Variants in PARM1 observed in about 807,000 individuals in gnomAD.
The protein encoded by PARM1 is prostate androgen-regulated mucin-like protein 1, also known as WSC4, cell wall integrity and stress response component 4 homolog.
In PARM1, 14 loss-of-function variants were observed where a neutral mutation model predicts 24.6. That is an observed-to-expected ratio of 0.57 (90% confidence interval 0.38 to 0.89). PARM1 has a LOEUF of 0.89. PARM1 is among the 40% of genes least tolerant of loss of function. PARM1 has a pLI of 0.00. For missense variants in PARM1, 362 were observed against 380.4 expected, an observed-to-expected ratio of 0.95 and a Z score of 0.40; for synonymous variants, 179 against 156.6, an observed-to-expected ratio of 1.14 and a Z score of -1.07.
chr4:74,976,304 T>C (rs1043681755), intron 1 of PARM1, among the ~76,000 whole-genome samples: 1 of 152,188 alleles, frequency 6.6e-6, no homozygotes, highest in African/African-American at 2.4e-5. Flanking sequence ...CTGGGAGGAA[T>C]TCCCACAGTG....
intron 2 of PARM1, among the ~76,000 whole-genome samples, chr4:75,022,556 T>G (rs1441828467): frequency 1.3e-5 from 2 of 152,272 alleles, no homozygotes; most frequent in Non-Finnish European, 2.9e-5. Context: ...TTATTACATT[T>G]GGAAAGTTTT....
intron 1 of PARM1, among the ~76,000 whole-genome samples, chr4:74,970,810 T>A (rs1306950789): frequency 6.6e-6 from 1 of 152,184 alleles, no homozygotes; most frequent in African/African-American, 2.4e-5. Flanking sequence ...TTAGCTCTGT[T>A]TTCCAGAGCA....
intron 3 of PARM1, among the ~76,000 whole-genome samples, chr4:75,037,642 G>A (rs1723398297): frequency 1.3e-5 from 2 of 152,024 alleles, no homozygotes; most frequent in South Asian, 4.1e-4. Context: ...CTGAACCCAG[G>A]GCCCTTCTTG....
intron 2 of PARM1, among the ~76,000 whole-genome samples, chr4:75,030,889 A>C (rs1260661776): frequency 6.6e-6 from 1 of 152,154 alleles, no homozygotes; most frequent in Non-Finnish European, 1.5e-5. Context: ...CATATTGAAA[A>C]ATGTAAGAGG....
chr4:75,043,294 A>G (rs752060344), intron 3 of PARM1, among the ~76,000 whole-genome samples: 7 of 152,220 alleles, frequency 4.6e-5, no homozygotes, highest in Admixed American at 2.0e-4. Context: ...GTGCTTGTAT[A>G]AGATTTATTA....
At chr4:74,987,914 C>A (rs1354662942) in intron 1 of PARM1, among the ~76,000 whole-genome samples, 1 of 152,174 alleles carries the variant, frequency 6.6e-6, no homozygotes, top group African/African-American at 2.4e-5. Flanking sequence ...TGTGTTATTT[C>A]ATTTATTCAG....
chr4:74,970,761 A>T (rs531519825), intron 1 of PARM1, among the ~76,000 whole-genome samples: 1 of 152,178 alleles, frequency 6.6e-6, no homozygotes. Flanking sequence ...TGTTATCATA[A>T]GCTAAACCTA....
At chr4:74,981,830 G>A (rs753059345) in intron 1 of PARM1, among the ~76,000 whole-genome samples, 56 of 146,112 alleles carry the variant, frequency 3.8e-4, no homozygotes, top group Non-Finnish European at 1.6e-4. Flanking sequence ...AGCCGAAATC[G>A]CGCCACTGCA....
chr4:74,976,018 A>C (rs550914481), intron 1 of PARM1, among the ~76,000 whole-genome samples: 2 of 152,166 alleles, frequency 1.3e-5, no homozygotes, highest in Non-Finnish European at 2.9e-5. Context: ...CCTACCCCCA[A>C]CCAAGGGAGG....
At chr4:74,941,280 A>G (rs1721304213) in intron 1 of PARM1, among the ~76,000 whole-genome samples, 1 of 152,202 alleles carries the variant, frequency 6.6e-6, no homozygotes, top group African/African-American at 2.4e-5. Context: ...AAAAATATTC[A>G]TCATTTACAT....
intron 1 of PARM1, among the ~76,000 whole-genome samples, chr4:74,937,066 G>C (rs989765477): frequency 1.3e-5 from 2 of 152,114 alleles, no homozygotes; most frequent in Non-Finnish European, 2.9e-5. Context: ...GATCCTATTT[G>C]TGTTCTGGAT....
intron 2 of PARM1, among the ~76,000 whole-genome samples, chr4:75,032,445 C>T (rs570140086): frequency 4.6e-5 from 7 of 152,066 alleles, no homozygotes; most frequent in Non-Finnish European, 8.8e-5. Flanking sequence ...TAACAGGAGC[C>T]GTTCATACCA....
At chr4:75,035,649 A>G (rs1723355714) in intron 3 of PARM1, among the ~76,000 whole-genome samples, 1 of 151,754 alleles carries the variant, frequency 6.6e-6, no homozygotes, top group Non-Finnish European at 1.5e-5. Flanking sequence ...CTTCCCTTTT[A>G]TCTCCCTCCA....
chr4:74,949,940 CT>C (rs948314171), intron 1 of PARM1, among the ~76,000 whole-genome samples: 9 of 150,492 alleles, frequency 6.0e-5, no homozygotes, highest in African/African-American at 1.7e-4. Context: ...CAAAAAGATA[CT>C]TTTTTTCCTT....
intron 1 of PARM1, among the ~76,000 whole-genome samples, chr4:74,939,179 G>A (rs1030775897): frequency 6.6e-6 from 1 of 152,096 alleles, no homozygotes; most frequent in Non-Finnish European, 1.5e-5. Context: ...TTTGATACAG[G>A]ATTAGCTTTA....
chr4:75,034,306 A>G (rs1340866544), intron 3 of PARM1, among the ~76,000 whole-genome samples: 2 of 152,044 alleles, frequency 1.3e-5, no homozygotes, highest in East Asian at 1.9e-4. Context: ...ACCTATTCTC[A>G]TCTGTGAAAG....
chr4:75,038,330 G>C (rs1011214023), intron 3 of PARM1, among the ~76,000 whole-genome samples: 1 of 152,206 alleles, frequency 6.6e-6, no homozygotes, highest in Non-Finnish European at 1.5e-5. Flanking sequence ...ACATATAAAG[G>C]TTCAGTGCCT....
chr4:75,039,528 A>T (rs374611260), intron 3 of PARM1, among the ~76,000 whole-genome samples: 24 of 152,186 alleles, frequency 1.6e-4, no homozygotes, highest in South Asian at 1.0e-3. Context: ...AGCGAGAAAA[A>T]AAAATAAAAT....
rs373425858 is a variant in PARM1, at chr4:74,982,459, A to ATAAAAT, written c.44-29956_44-29951dup. The stretch of plus-strand genomic sequence containing the variant: ...ACATGTACCCCAGAACTTAAAATAA[A>ATAAAAT]TAAAATTAAAATTAAGAAAATAAAA... On this transcript the variant is annotated intron_variant, in intron 1 of 3. Coordinates refer to ENST00000307428, the MANE Select transcript of PARM1 (RefSeq NM_015393.4). Among the ~76,000 whole-genome samples the ATAAAAT allele has an allele frequency of 9.9e-3, 1,515 of 152,318 alleles. 31 individuals are homozygous for ATAAAAT. Among genetic ancestry groups the ATAAAAT allele is most frequent in the African/African-American group, 0.035 (1,457 of 41,554 alleles).
Sources: gnomAD v4.1 joint callset for allele counts (sites outside exome capture counted in the v4.1 genomes callset) on GRCh38, gnomAD v4.1.1 for gene constraint, MANE v1.5 for transcripts, NCBI Gene and HGNC (gene_info 2026-07-23, HGNC 2026-07-21) for gene names.